Variants in NTM observed in about 807,000 individuals in gnomAD.
The protein encoded by NTM is neurotrimin.
In NTM, 13 loss-of-function variants were observed where a neutral mutation model predicts 42.1. The observed-to-expected ratio is 0.31, with a 90% confidence interval of 0.20 to 0.49. The LOEUF is 0.49. NTM is among the 20% of genes least tolerant of loss of function. The pLI is 0.99. For missense variants in NTM, 373 were observed against 452.8 expected (o/e 0.82, Z 1.60); for synonymous variants, 187 against 179.2 (o/e 1.04, Z -0.35).
chr11:131,621,618 A>T lies in NTM; in HGVS notation c.82+250730A>T, dbSNP rs2062548499. On this transcript the variant is annotated intron_variant, in intron 1 of 8. Coordinates refer to ENST00000683400, the MANE Select transcript of NTM (RefSeq NM_001352005.2). Reference sequence around the variant, plus strand: ...AGTTCAAGACCAGGCTGGGCAACATAGTAACACCCTATCTTTACAAAAAAA... The same window carrying T: ...AGTTCAAGACCAGGCTGGGCAACATTGTAACACCCTATCTTTACAAAAAAA... 3.8e-5 allele frequency among the ~76,000 whole-genome samples: 5 copies of T among 132,312 alleles called. No individual in the cohort carries two copies. In the Admixed American group the frequency reaches 4.2e-4, roughly 11 times the overall value. The allele number at this position is 132,312 out of a possible 152,430, so 86.8% of individuals were successfully genotyped here.
chr11:131,821,096 CA>C (rs773548102), intron 1 of NTM, among the ~76,000 whole-genome samples: 3 of 151,012 alleles, frequency 2.0e-5, no homozygotes, highest in Non-Finnish European at 4.4e-5. Flanking sequence ...CACGCAAGTA[CA>C]AAGATGATTT....
chr11:132,305,950 G>T (rs1186054990), intron 4 of NTM, among the ~76,000 whole-genome samples: 1 of 152,130 alleles, frequency 6.6e-6, no homozygotes, highest in Non-Finnish European at 1.5e-5. Flanking sequence ...CTTGTTTGTT[G>T]TAATGGACAT....
At chr11:131,502,309 C>T (rs951817696) in intron 1 of NTM, among the ~76,000 whole-genome samples, 6 of 152,200 alleles carry the variant, frequency 3.9e-5, no homozygotes, top group Middle Eastern at 3.4e-3. Context: ...TGAACCAGGA[C>T]GTGGGATCTC....
chr11:132,264,714 A>G (rs1415746764), intron 4 of NTM, among the ~76,000 whole-genome samples: 2 of 152,238 alleles, frequency 1.3e-5, no homozygotes, highest in African/African-American at 4.8e-5. Flanking sequence ...AGACAGTGGT[A>G]TCTTATATTT....
chr11:131,468,361 T>G (rs1308692090), intron 1 of NTM, among the ~76,000 whole-genome samples: 1 of 152,232 alleles, frequency 6.6e-6, no homozygotes, highest in Non-Finnish European at 1.5e-5. Context: ...TGTTGCTCGG[T>G]GCTTAATGAA....
At chr11:132,219,634 C>T (rs892301272) in intron 4 of NTM, among the ~76,000 whole-genome samples, 2 of 152,018 alleles carry the variant, frequency 1.3e-5, no homozygotes, top group Non-Finnish European at 2.9e-5. Context: ...GGCCCTCCCC[C>T]CCCACTGTCT....
intron 2 of NTM, among the ~76,000 whole-genome samples, chr11:132,086,315 C>T (rs573340029): frequency 5.5e-5 from 6 of 109,346 alleles, no homozygotes; most frequent in African/African-American, 2.5e-4. Context: ...CAGAGCAAGA[C>T]TCCATGTCAA....
At chr11:131,704,504 A>G (rs1268787257) in intron 1 of NTM, among the ~76,000 whole-genome samples, 3 of 152,246 alleles carry the variant, frequency 2.0e-5, no homozygotes, top group Non-Finnish European at 4.4e-5. Context: ...TAACAAGGCA[A>G]TAAGTAAAAA....
intron 4 of NTM, among the ~76,000 whole-genome samples, chr11:132,286,552 A>T (rs2094242138): frequency 6.6e-6 from 1 of 151,886 alleles, no homozygotes; most frequent in Non-Finnish European, 1.5e-5. Context: ...CTCAATGCGC[A>T]ACTTTGGCCC....
At chr11:131,566,800 G>C (rs1474701581) in intron 1 of NTM, among the ~76,000 whole-genome samples, 2 of 152,214 alleles carry the variant, frequency 1.3e-5, no homozygotes, top group Non-Finnish European at 2.9e-5. Flanking sequence ...GAGAGAGGGG[G>C]AAGAGGGAGT....
chr11:131,980,035 C>T (rs547417227), intron 2 of NTM, among the ~76,000 whole-genome samples: 7 of 152,238 alleles, frequency 4.6e-5, no homozygotes, highest in South Asian at 4.1e-4. Context: ...AGATGCACAA[C>T]GATTCCTTGC....
intron 2 of NTM, among the ~76,000 whole-genome samples, chr11:132,071,999 T>C (rs2057741843): frequency 6.6e-6 from 1 of 152,140 alleles, no homozygotes; most frequent in Non-Finnish European, 1.5e-5. Flanking sequence ...CTTATAGGGA[T>C]TGGCTAGGGC....
intron 7 of NTM, chr11:132,314,943 TATGTATAGTACATGTATAAAAGTAG>T: frequency 8.0e-7 from 1 of 1,249,920 alleles, no homozygotes; most frequent in Non-Finnish European, 1.0e-6. Context: ...CAAAGTAGTA[TATGTATAGTACATGTATAAAAGTAG>T]ATCTCAGAAG....
At chr11:132,291,766 G>T (rs555393258) in intron 4 of NTM, among the ~76,000 whole-genome samples, 1 of 152,206 alleles carries the variant, frequency 6.6e-6, no homozygotes, top group East Asian at 1.9e-4. Context: ...GGAGTGAGTT[G>T]TCAGCTATGT....
At chr11:132,280,617 C>G (rs1172763654) in intron 4 of NTM, among the ~76,000 whole-genome samples, 1 of 151,076 alleles carries the variant, frequency 6.6e-6, no homozygotes. Flanking sequence ...TCCCAAGTAA[C>G]TGGGATTACA....
intron 1 of NTM, among the ~76,000 whole-genome samples, chr11:131,457,688 ATC>A (rs1951017738): frequency 6.6e-6 from 1 of 152,124 alleles, no homozygotes; most frequent in Non-Finnish European, 1.5e-5. Context: ...AAATTTTGGA[ATC>A]ATATGTGCAA....
rs149979175 is a variant in NTM, at chr11:131,374,435, T to A, written c.82+3547T>A. On this transcript the variant is annotated intron_variant, in intron 1 of 8. Coordinates refer to ENST00000683400, the MANE Select transcript of NTM (RefSeq NM_001352005.2). The stretch of plus-strand genomic sequence containing the variant: ...GCACAGAGCCTGGTCCTGGTCCTGA[T>A]TCTTCCCTTTTTTGGTTCCCTTAAA... Among the ~76,000 whole-genome samples, 5 of 152,332 alleles carry A rather than the reference T, an allele frequency of 3.3e-5. No homozygotes were observed. In the East Asian group the frequency reaches 9.7e-4, roughly 29 times the overall value.
intron 1 of NTM, among the ~76,000 whole-genome samples, chr11:131,689,458 C>T (rs1374113166): frequency 6.6e-6 from 1 of 152,244 alleles, no homozygotes; most frequent in African/African-American, 2.4e-5. Flanking sequence ...TTTAGAAAAA[C>T]AACTTTCAGG....
intron 1 of NTM, among the ~76,000 whole-genome samples, chr11:131,585,868 A>G (rs980865858): frequency 1.3e-5 from 2 of 152,074 alleles, no homozygotes; most frequent in African/African-American, 4.8e-5. Context: ...GTTTTTCCTT[A>G]CCATCTTTCC....
Sources: gnomAD v4.1 joint callset for allele counts (sites outside exome capture counted in the v4.1 genomes callset) on GRCh38, gnomAD v4.1.1 for gene constraint, MANE v1.5 for transcripts, NCBI Gene and HGNC (gene_info 2026-07-23, HGNC 2026-07-21) for gene names.